The following DNAJB11 variants were observed in gnomAD, a reference collection of about 807,000 sequenced individuals.
DNAJB11 encodes the protein dnaJ homolog subfamily B member 11.
A neutral mutation model predicts 47.2 loss-of-function variants in DNAJB11; 30 were observed. The ratio of observed to expected loss-of-function variants is 0.64; its 90% CI spans 0.48 to 0.86. The LOEUF (loss-of-function observed/expected upper bound fraction) is 0.86, where lower values mean the gene tolerates loss of function less well. Among genes scored for constraint, DNAJB11 ranks in the 40% least tolerant of loss-of-function variants. The probability of loss-of-function intolerance (pLI) is 0.00; values close to 1 mark genes in which losing one functional copy is unlikely to be tolerated. For missense variants in DNAJB11, 357 were observed against 440.2 expected (o/e 0.81, Z 1.69); for synonymous variants, 151 against 159.9 (o/e 0.94, Z 0.42).
chr3:186,576,003 T>A, intron 3 of DNAJB11, 66 bp downstream of exon 3: 1 of 1,189,104 alleles, frequency 8.4e-7, no homozygotes. Flanking sequence ...ATTAAAGAAT[T>A]ATTCTCATTC....
Position 186,585,624 on chromosome 3 carries a change from CCCTT to C in DNAJB11, c.*217_*220del. 5.9e-6 allele frequency: 2 copies of C among 337,868 alleles called. 1 individual carries two copies. The allele number at this position is 337,868 out of a possible 1,614,324, so 20.9% of individuals were successfully genotyped here. A position where few individuals can be genotyped will look rare whatever the true frequency, so the allele number is the denominator to read the frequency against. On this transcript the variant is annotated 3_prime_UTR_variant, in exon 10 of 10. Coordinates refer to ENST00000265028, the MANE Select transcript of DNAJB11 (RefSeq NM_016306.6). ...CAGCAAAAGGTTTACTAATACCTCT[CCCTT>C]TGGGGATTTAATGTCTGGTGCTGCC...
Position 186,575,956 on chromosome 3 carries a change from T to C in DNAJB11, c.323+19T>C, listed in dbSNP as rs200704279. 2,619 of 1,557,998 alleles carry C rather than the reference T, an allele frequency of 1.7e-3. 4 individuals are homozygous for C. The highest frequency in any genetic ancestry group is 2.2e-3 in the Non-Finnish European group (2,473 of 1,129,362). ...TTTCACAGTGAGTAATTTACCCATC[T>C]GCAAAGTGTTAGTGTCTGAGAGAGG... On this transcript the variant is annotated intron_variant, in intron 3 of 9. Coordinates refer to ENST00000265028, the MANE Select transcript of DNAJB11 (RefSeq NM_016306.6).
In DNAJB11 at chr3:186,572,261, G is replaced by A. The variant is rs769413192; in HGVS notation, c.225+10G>A. 1.3e-6 allele frequency: 2 copies of A among 1,597,104 alleles called. No homozygotes were observed. The highest frequency in any genetic ancestry group is 1.7e-6 in the Non-Finnish European group (2 of 1,175,318). The stretch of plus-strand genomic sequence containing the variant: ...GGGTGCTGCTTATGAGGTGAGTTGG[G>A]AAAAGTGATAAAGTACGAATAAAAT... On this transcript the variant is annotated intron_variant, in intron 2 of 9. Coordinates refer to ENST00000265028, the MANE Select transcript of DNAJB11 (RefSeq NM_016306.6).
At chr3:186,577,843 T>C in intron 4 of DNAJB11, 43 bp downstream of exon 4, 1 of 1,513,682 alleles carries the variant, frequency 6.6e-7, no homozygotes, top group Non-Finnish European at 8.8e-7. Context: ...CTCCCAGAAC[T>C]TGCACTTTTG....
rs713484 is a variant in DNAJB11, at chr3:186,571,884, T to G, written c.69-211T>G. The stretch of plus-strand genomic sequence containing the variant: ...AATCCGAAAAGAAGTATATAGCCTC[T>G]TACTGTGATTACTTCAATATATAAG... On this transcript the variant is annotated intron_variant, in intron 1 of 9. Transcript: ENST00000265028. Among the ~76,000 whole-genome samples, 40,458 of 152,160 alleles carry G rather than the reference T, an allele frequency of 0.27. 6,778 individuals carry two copies. The highest frequency in any genetic ancestry group is 0.47 in the African/African-American group (19,660 of 41,472).
At position 186,570,954 on chromosome 3, in the gene DNAJB11, G is replaced by A. The variant is rs1715023164; in HGVS notation, c.57G>A (p.Ala19=). ...TGTTGCTGCTATACCTCATCGGGGC[G>A]GTGATTGCCGGGTGAGGAACAGACA... ...FCLLLLYLIG[A]VIAGRDFYKI... is the part of the protein sequence containing the mutation. Residue 19 remains alanine (A), a synonymous_variant, in exon 1 of 10, where the codon GCG becomes GCA. Transcript: ENST00000265028. 1.3e-6 allele frequency: 2 copies of A among 1,594,796 alleles called. No homozygotes were observed. The highest frequency in any genetic ancestry group is 1.7e-6 in the Non-Finnish European group (2 of 1,171,098).
intron 2 of DNAJB11, 98 bp from the exon 3 acceptor site, chr3:186,575,742 A>T: frequency 1.2e-6 from 1 of 859,190 alleles, no homozygotes; most frequent in Non-Finnish European, 1.9e-6. Flanking sequence ...TTAAAATTTT[A>T]GACCCACTGT....
chr3:186,584,674 A>G, intron 9 of DNAJB11, 85 bp downstream of exon 9: 1 of 1,310,806 alleles, frequency 7.6e-7, no homozygotes, highest in East Asian at 3.0e-5. Flanking sequence ...TGGCAATAGA[A>G]GAACTCTCCA....
chr3:186,576,912 G>C (rs1483991690), intron 3 of DNAJB11, among the ~76,000 whole-genome samples: 1 of 152,134 alleles, frequency 6.6e-6, no homozygotes, highest in East Asian at 1.9e-4. Flanking sequence ...TGGTGGGAGA[G>C]GGAGTTATAT....
rs762867519 is a variant in DNAJB11, at chr3:186,582,009, A to C, written c.614A>C (p.Glu205Ala). 4 of 1,613,558 alleles carry C rather than the reference A, an allele frequency of 2.5e-6. No homozygotes were observed. The African/African-American group carries it at 4.0e-5, about 16-fold the overall frequency. ...CTTTACCTCAGACTAGTGAATGAAG[A>C]ACGAACGCTGGAAGTAGAAATAGAG... ...ECPNVKLVNE[E>A]RTLEVEIEPG... Residue 205 changes from glutamate (E) to alanine (A), a missense_variant, in exon 6 of 10, where the codon GAA becomes GCA. Glu to Ala is a moderately radical substitution (Grantham distance 107). Transcript: ENST00000265028.
In DNAJB11 at chr3:186,570,971, G is replaced by C; in HGVS notation, c.68+6G>C. The C allele has an allele frequency of 7.3e-7, 1 of 1,362,090 alleles. No individual in the cohort carries two copies. Among genetic ancestry groups the C allele is most frequent in the Non-Finnish European group, 9.8e-7 (1 of 1,024,104 alleles). The allele number at this position is 1,362,090 out of a possible 1,614,324, so 84.4% of individuals were successfully genotyped here. A position where few individuals can be genotyped will look rare whatever the true frequency, so the allele number is the denominator to read the frequency against. On this transcript the variant is annotated splice_donor_region_variant and intron_variant, in intron 1 of 9. Coordinates refer to ENST00000265028, the MANE Select transcript of DNAJB11 (RefSeq NM_016306.6). Reference sequence around the variant, plus strand: ...ATCGGGGCGGTGATTGCCGGGTGAGGAACAGACACTCGCAGACAACGGGGC... The same window carrying C: ...ATCGGGGCGGTGATTGCCGGGTGAGCAACAGACACTCGCAGACAACGGGGC...
intron 3 of DNAJB11, 50 bp from the exon 4 acceptor site, chr3:186,577,618 T>C: frequency 1.4e-6 from 2 of 1,463,364 alleles, no homozygotes; most frequent in Non-Finnish European, 1.8e-6. Flanking sequence ...TTGTGAAACA[T>C]AGAGTCTTGA....
At chr3:186,578,911 G>A (rs1426358228) in intron 4 of DNAJB11, 2 of 152,044 alleles carry the variant, frequency 1.3e-5, no homozygotes, top group African/African-American at 4.8e-5. Flanking sequence ...AAAGAAATTC[G>A]TTTTTGTTCT....
chr3:186,579,356 A>G (rs181591650), intron 4 of DNAJB11: 299 of 152,308 alleles, frequency 2.0e-3, no homozygotes, highest in African/African-American at 6.9e-3. Context: ...GTCTTCAGCT[A>G]TATCCATTCT....
chr3:186,573,278 T>C (rs1405952190), intron 2 of DNAJB11, among the ~76,000 whole-genome samples: 1 of 152,190 alleles, frequency 6.6e-6, no homozygotes, highest in Non-Finnish European at 1.5e-5. Context: ...GATCTCTAGA[T>C]TAAAGAAGCA....
chr3:186,572,075 T>G lies in DNAJB11; in HGVS notation c.69-20T>G. 1 of 1,547,694 alleles carries G rather than the reference T, an allele frequency of 6.5e-7. No homozygotes were observed. On this transcript the variant is annotated intron_variant, in intron 1 of 9. Coordinates refer to ENST00000265028, the MANE Select transcript of DNAJB11 (RefSeq NM_016306.6). The stretch of plus-strand genomic sequence containing the variant: ...AACATGTAACTCTTTAATGAAGTAT[T>G]CTCTCCCTCTACTTCCCAGACGAGA...
chr3:186,575,770 T>A (rs1715269700), intron 2 of DNAJB11, 70 bp from the exon 3 acceptor site: 2 of 1,241,306 alleles, frequency 1.6e-6, no homozygotes, highest in Non-Finnish European at 2.3e-6. Context: ...AAAACAAACA[T>A]AAATATGACT....
At chr3:186,573,547 A>G (rs1166185785) in intron 2 of DNAJB11, among the ~76,000 whole-genome samples, 1 of 151,854 alleles carries the variant, frequency 6.6e-6, no homozygotes, top group African/African-American at 2.4e-5. Flanking sequence ...CACCATGCCC[A>G]GCTAATTTTT....
intron 4 of DNAJB11, chr3:186,578,245 T>G (rs1172650280): frequency 6.6e-6 from 1 of 152,266 alleles, no homozygotes; most frequent in African/African-American, 2.4e-5. Flanking sequence ...GTTACTAGGA[T>G]TCACCCTTGT....
Sources: allele counts gnomAD v4.1 joint callset (sites outside exome capture counted in the v4.1 genomes callset), GRCh38; gene constraint gnomAD v4.1.1; transcripts MANE v1.5; gene names NCBI Gene and HGNC (gene_info 2026-07-23, HGNC 2026-07-21).